The following CALCR variants were observed in gnomAD, a reference collection of about 807,000 sequenced individuals.
The protein encoded by CALCR is calcitonin receptor.
In CALCR, 47 loss-of-function variants were observed where a neutral mutation model predicts 59.5. The observed-to-expected ratio is 0.79, with a 90% CI of 0.63 to 1.01. The LOEUF is 1.01. CALCR is among the 50% of genes least tolerant of loss of function. The probability of loss-of-function intolerance (pLI) is 0.00; values close to 1 mark genes in which losing one functional copy is unlikely to be tolerated. For missense variants in CALCR, 566 were observed against 597.1 expected, an observed-to-expected ratio of 0.95 and a Z score of 0.54; for synonymous variants, 213 against 211.3, an observed-to-expected ratio of 1.01 and a Z score of -0.07.
At chr7:93,539,586 TA>T (rs1262886164) in intron 2 of CALCR, among the ~76,000 whole-genome samples, 9 of 152,116 alleles carry the variant, frequency 5.9e-5, no homozygotes, top group African/African-American at 2.2e-4. Context: ...CTAGATGGTA[TA>T]GGTCCCTGGA....
intron 3 of CALCR, among the ~76,000 whole-genome samples, chr7:93,485,085 G>A (rs1247635635): frequency 6.6e-6 from 1 of 151,636 alleles, no homozygotes; most frequent in Non-Finnish European, 1.5e-5. Context: ...TTTTTTCTCT[G>A]AGAAGTGTCA....
At chr7:93,439,327 A>G (rs185912676) in intron 9 of CALCR, among the ~76,000 whole-genome samples, 3 of 152,340 alleles carry the variant, frequency 2.0e-5, no homozygotes, top group Admixed American at 2.0e-4. Flanking sequence ...TATACAAAAC[A>G]TGATTGTGTT....
At chr7:93,437,833 T>C (rs896419127) in intron 11 of CALCR, among the ~76,000 whole-genome samples, 2 of 152,276 alleles carry the variant, frequency 1.3e-5, no homozygotes, top group East Asian at 3.9e-4. Context: ...ACATTGCTAT[T>C]ATAGTGTGAG....
At chr7:93,452,301 C>A (rs1450614904) in intron 8 of CALCR, among the ~76,000 whole-genome samples, 1 of 151,892 alleles carries the variant, frequency 6.6e-6, no homozygotes, top group Non-Finnish European at 1.5e-5. Flanking sequence ...AAACTCACAA[C>A]CCAATGAGAA....
chr7:93,477,739 C>A (rs192514892), intron 4 of CALCR, 71 bp from the exon 5 acceptor site: 52 of 939,318 alleles, frequency 5.5e-5, no homozygotes, highest in Non-Finnish European at 8.4e-5. Flanking sequence ...GATCCCAAGA[C>A]GATATTACAA....
intron 2 of CALCR, among the ~76,000 whole-genome samples, chr7:93,497,853 A>G (rs1437860137): frequency 3.3e-5 from 5 of 151,502 alleles, no homozygotes; most frequent in Non-Finnish European, 7.4e-5. Flanking sequence ...TTTTATTATC[A>G]CTGCCTAGAA....
intron 9 of CALCR, chr7:93,441,603 G>GT: frequency 2.2e-6 from 1 of 445,522 alleles, no homozygotes; most frequent in South Asian, 1.6e-5. Context: ...ATTTTGACCT[G>GT]TTTTAGGACA....
chr7:93,521,002 T>C (rs1801751873), intron 2 of CALCR, among the ~76,000 whole-genome samples: 1 of 152,094 alleles, frequency 6.6e-6, no homozygotes, highest in Non-Finnish European at 1.5e-5. Context: ...CTATAAAACA[T>C]TTGGTGTTTC....
intron 2 of CALCR, among the ~76,000 whole-genome samples, chr7:93,540,946 T>C (rs1789119719): frequency 6.6e-6 from 1 of 151,836 alleles, no homozygotes; most frequent in South Asian, 2.1e-4. Flanking sequence ...TCAATATTAA[T>C]AGCAAAAAAT....
chr7:93,484,936 A>G (rs1475913649), intron 3 of CALCR, among the ~76,000 whole-genome samples: 2 of 151,660 alleles, frequency 1.3e-5, no homozygotes, highest in African/African-American at 4.8e-5. Context: ...AGGCTAATTG[A>G]AGGTGGTGAC....
intron 11 of CALCR, among the ~76,000 whole-genome samples, chr7:93,436,765 T>G (rs755792955): frequency 2.0e-5 from 3 of 152,204 alleles, no homozygotes; most frequent in Non-Finnish European, 4.4e-5. Context: ...CTTTTACATT[T>G]AAACCTCCAG....
chr7:93,513,742 C>T (rs1801596652), intron 2 of CALCR, among the ~76,000 whole-genome samples: 1 of 151,678 alleles, frequency 6.6e-6, no homozygotes, highest in African/African-American at 2.4e-5. Flanking sequence ...AGGTTAGGTC[C>T]ATAAAACAGT....
intron 2 of CALCR, chr7:93,495,829 A>C: frequency 8.0e-7 from 1 of 1,254,410 alleles, no homozygotes; most frequent in Non-Finnish European, 1.1e-6. Flanking sequence ...CAAATGAAGA[A>C]ACCATTGTAA....
chr7:93,564,004 A>G (rs1401592488), intron 2 of CALCR, among the ~76,000 whole-genome samples: 2 of 152,182 alleles, frequency 1.3e-5, no homozygotes, highest in Non-Finnish European at 2.9e-5. Flanking sequence ...TGTGTTAGCT[A>G]TTATTACCAT....
At chr7:93,556,120 G>A (rs1789598906) in intron 2 of CALCR, among the ~76,000 whole-genome samples, 1 of 152,124 alleles carries the variant, frequency 6.6e-6, no homozygotes, top group African/African-American at 2.4e-5. Flanking sequence ...CAAGATACTT[G>A]GGGATACTTG....
chr7:93,567,926 T>G (rs1789903784), intron 2 of CALCR, among the ~76,000 whole-genome samples: 1 of 152,178 alleles, frequency 6.6e-6, no homozygotes. Flanking sequence ...ATTTGGTATA[T>G]GCAGAAATCC....
intron 2 of CALCR, among the ~76,000 whole-genome samples, chr7:93,522,266 T>C (rs1412029042): frequency 6.6e-6 from 1 of 152,220 alleles, no homozygotes; most frequent in Non-Finnish European, 1.5e-5. Context: ...CTGATACTGA[T>C]TTATCAATTT....
chr7:93,498,339 A>T (rs1801253191), intron 2 of CALCR, among the ~76,000 whole-genome samples: 2 of 151,664 alleles, frequency 1.3e-5, no homozygotes, highest in African/African-American at 4.8e-5. Flanking sequence ...AACATTAATA[A>T]ACAAGGAGAT....
At chr7:93,513,485 C>G (rs1000484580) in intron 2 of CALCR, among the ~76,000 whole-genome samples, 37 of 152,074 alleles carry the variant, frequency 2.4e-4, no homozygotes, top group Non-Finnish European at 4.3e-4. Context: ...GTAGTAGTCC[C>G]ATGTTTCATT....
Sources: allele counts gnomAD v4.1 joint callset (sites outside exome capture counted in the v4.1 genomes callset), GRCh38; gene constraint gnomAD v4.1.1; transcripts MANE v1.5; gene names NCBI Gene and HGNC (gene_info 2026-07-23, HGNC 2026-07-21).